KCNMA1: variants seen among roughly 807,000 people sequenced by gnomAD.
The protein encoded by KCNMA1 is potassium calcium-activated channel subfamily M alpha 1.
In KCNMA1, 29 loss-of-function variants were observed where a neutral mutation model predicts 140.0. The ratio of observed to expected loss-of-function variants is 0.21; its 90% CI spans 0.15 to 0.28. The LOEUF (loss-of-function observed/expected upper bound fraction) is 0.28. Ranked by LOEUF, KCNMA1 falls within the 10% of genes least tolerant of loss-of-function variation. The pLI is 1.00. For missense variants in KCNMA1, 880 were observed against 1,602.2 expected (o/e 0.55, Z 7.70); for synonymous variants, 612 against 611.9 (o/e 1.00, Z 0.00).
At chr10:77,380,154 G>A (rs959642522) in intron 2 of KCNMA1, among the ~76,000 whole-genome samples, 2 of 152,212 alleles carry the variant, frequency 1.3e-5, no homozygotes, top group African/African-American at 4.8e-5. Flanking sequence ...GAAATTTTAT[G>A]TTGTCGTCTG....
At chr10:77,069,302 C>T (rs61868837) in intron 14 of KCNMA1, among the ~76,000 whole-genome samples, 11,222 of 152,112 alleles carry the variant, frequency 0.074, 586 homozygotes, top group Non-Finnish European at 0.11. Flanking sequence ...GATGTTCGTG[C>T]GAACTCCTTA....
intron 1 of KCNMA1, chr10:77,636,706 G>A (rs1258742233): frequency 6.6e-7 from 1 of 1,521,356 alleles, no homozygotes; most frequent in Middle Eastern, 2.0e-4. Flanking sequence ...CTGTTATCTC[G>A]GGCCATGCTC....
chr10:77,148,901 C>T (rs1001288899), intron 5 of KCNMA1, among the ~76,000 whole-genome samples: 4 of 152,206 alleles, frequency 2.6e-5, no homozygotes, highest in Non-Finnish European at 1.5e-5. Context: ...AGAACAGGTA[C>T]TTCTACATTT....
intron 3 of KCNMA1, among the ~76,000 whole-genome samples, chr10:77,208,535 T>G (rs1258561813): frequency 7.5e-6 from 1 of 133,756 alleles, no homozygotes; most frequent in Non-Finnish European, 1.7e-5. Context: ...TGCGCAGAAA[T>G]GAAAGCCCAT....
intron 1 of KCNMA1, among the ~76,000 whole-genome samples, chr10:77,626,847 T>C (rs2092591606): frequency 6.6e-6 from 1 of 152,166 alleles, no homozygotes; most frequent in Non-Finnish European, 1.5e-5. Context: ...GGAGGTGAAG[T>C]CATTTGACAT....
chr10:77,330,576 G>A (rs915416562), intron 2 of KCNMA1, among the ~76,000 whole-genome samples: 2 of 152,122 alleles, frequency 1.3e-5, no homozygotes, highest in Non-Finnish European at 2.9e-5. Context: ...TATGCACCTT[G>A]GTTCCTTCAA....
chr10:77,577,435 C>A (rs184231769), intron 1 of KCNMA1, among the ~76,000 whole-genome samples: 1 of 152,062 alleles, frequency 6.6e-6, no homozygotes, highest in Non-Finnish European at 1.5e-5. Flanking sequence ...CATCAAGGAC[C>A]GGGAGAGACC....
At chr10:77,436,996 AC>A (rs1445438511) in intron 1 of KCNMA1, among the ~76,000 whole-genome samples, 66 of 114,766 alleles carry the variant, frequency 5.8e-4, no homozygotes, top group Middle Eastern at 4.3e-3. Context: ...ACACACACAC[AC>A]TCCTTCAGCC....
chr10:77,187,070 C>T (rs2098870621), intron 3 of KCNMA1, among the ~76,000 whole-genome samples: 1 of 151,990 alleles, frequency 6.6e-6, no homozygotes, highest in African/African-American at 2.4e-5. Flanking sequence ...TTACTGGTGG[C>T]ATATTTGGGG....
At chr10:77,444,686 T>C (rs2097487456) in intron 1 of KCNMA1, among the ~76,000 whole-genome samples, 2 of 152,160 alleles carry the variant, frequency 1.3e-5, no homozygotes, top group Admixed American at 1.3e-4. Context: ...CTAACCACTC[T>C]GGAGATTGTC....
chr10:77,321,626 C>T (rs1009033678), intron 2 of KCNMA1, among the ~76,000 whole-genome samples: 7 of 152,150 alleles, frequency 4.6e-5, no homozygotes, highest in Non-Finnish European at 8.8e-5. Flanking sequence ...TTAATACTTT[C>T]GAAGAACATG....
chr10:77,409,147 G>A (rs1188968427), intron 1 of KCNMA1, among the ~76,000 whole-genome samples: 2 of 152,160 alleles, frequency 1.3e-5, no homozygotes, highest in Non-Finnish European at 2.9e-5. Context: ...GGCCGCAGAG[G>A]GGCTCACCCT....
At chr10:77,030,188 T>A (rs1421003460) in intron 15 of KCNMA1, among the ~76,000 whole-genome samples, 1 of 152,170 alleles carries the variant, frequency 6.6e-6, no homozygotes, top group East Asian at 1.9e-4. Context: ...TTTGCAGGTT[T>A]TCTGATTCCT....
At chr10:77,133,355 C>T (rs1287481628) in intron 5 of KCNMA1, among the ~76,000 whole-genome samples, 3 of 151,566 alleles carry the variant, frequency 2.0e-5, no homozygotes, top group Non-Finnish European at 4.4e-5. Context: ...ATGAAAACAA[C>T]AACAATAATA....
chr10:76,995,652 A>C (rs1264106485), intron 19 of KCNMA1: 10 of 470,862 alleles, frequency 2.1e-5, no homozygotes, highest in African/African-American at 2.0e-4. Flanking sequence ...AGGTAAGAGG[A>C]AGCATTCACT....
At chr10:77,553,974 C>CTTTTTTTT (rs112324832) in intron 1 of KCNMA1, among the ~76,000 whole-genome samples, 1 of 147,240 alleles carries the variant, frequency 6.8e-6, no homozygotes, top group Non-Finnish European at 1.5e-5. Flanking sequence ...CAGGGATCGA[C>CTTTTTTTT]TTTTTTTTTT....
intron 25 of KCNMA1, among the ~76,000 whole-genome samples, chr10:76,900,276 T>C (rs2044563602): frequency 6.6e-6 from 1 of 152,080 alleles, no homozygotes; most frequent in Non-Finnish European, 1.5e-5. Flanking sequence ...TCCTGTTTAT[T>C]ATTATGGTCA....
intron 2 of KCNMA1, among the ~76,000 whole-genome samples, chr10:77,296,312 C>T (rs993480910): frequency 1.3e-5 from 2 of 152,122 alleles, no homozygotes; most frequent in Non-Finnish European, 2.9e-5. Context: ...TCTCTAGAGG[C>T]TAGAAAAGGA....
intron 1 of KCNMA1, among the ~76,000 whole-genome samples, chr10:77,435,719 G>T (rs994789968): frequency 1.3e-5 from 2 of 152,180 alleles, no homozygotes; most frequent in African/African-American, 4.8e-5. Flanking sequence ...CAAGCGCATG[G>T]AAGAAAGACA....
Sources: gnomAD v4.1 joint callset for allele counts (sites outside exome capture counted in the v4.1 genomes callset) on GRCh38, gnomAD v4.1.1 for gene constraint, MANE v1.5 for transcripts, NCBI Gene and HGNC (gene_info 2026-07-23, HGNC 2026-07-21) for gene names.